The following PCDH15 variants were observed in gnomAD, a reference collection of about 807,000 sequenced individuals.
The protein encoded by PCDH15 is protocadherin related 15, also known as protocadherin-15.
A neutral mutation model predicts 178.5 loss-of-function variants in PCDH15; 129 were observed. The observed-to-expected ratio is 0.72, with a 90% CI of 0.63 to 0.84. The LOEUF is 0.84. Among genes scored for constraint, PCDH15 ranks in the 40% least tolerant of loss-of-function variants. The pLI is 0.00. For missense variants in PCDH15, 2,230 were observed against 2,099.9 expected (o/e 1.06, Z -1.21); for synonymous variants, 800 against 732.0 (o/e 1.09, Z -1.50).
intron 3 of PCDH15, among the ~76,000 whole-genome samples, chr10:54,863,352 C>T (rs1239719060): frequency 6.6e-6 from 1 of 152,094 alleles, no homozygotes; most frequent in Non-Finnish European, 1.5e-5. Context: ...ACCATCCTGG[C>T]TAACAAGGTG....
chr10:54,249,030 G>T (rs2056245441), intron 8 of PCDH15, among the ~76,000 whole-genome samples: 1 of 151,954 alleles, frequency 6.6e-6, no homozygotes, highest in African/African-American at 2.4e-5. Context: ...AATGATCCTA[G>T]AGTATCTTTA....
intron 3 of PCDH15, among the ~76,000 whole-genome samples, chr10:54,394,753 G>T (rs894725563): frequency 1.1e-4 from 17 of 152,116 alleles, no homozygotes; most frequent in African/African-American, 4.1e-4. Flanking sequence ...GAAGACTGGG[G>T]TCTATTTCAT....
intron 1 of PCDH15, among the ~76,000 whole-genome samples, chr10:55,222,483 G>A (rs1397350461): frequency 4.0e-5 from 6 of 151,782 alleles, no homozygotes; most frequent in African/African-American, 9.7e-5. Flanking sequence ...CCAGGATTAT[G>A]ATATGTCTGT....
intron 1 of PCDH15, among the ~76,000 whole-genome samples, chr10:55,228,965 A>G (rs536746889): frequency 2.0e-4 from 30 of 152,064 alleles, no homozygotes; most frequent in Middle Eastern, 3.4e-3. Context: ...AAGGTTCCAA[A>G]AGCAGGTAAA....
intron 25 of PCDH15, among the ~76,000 whole-genome samples, chr10:53,929,837 G>T (rs927304814): frequency 1.3e-5 from 2 of 152,104 alleles, no homozygotes; most frequent in African/African-American, 2.4e-5. Flanking sequence ...AGAAAGCTAT[G>T]GCTTTCTTTT....
chr10:54,736,957 G>T lies in PCDH15; in HGVS notation c.-29+63968C>A, dbSNP rs537672883. Among the ~76,000 whole-genome samples, 61 of 152,074 alleles carry T rather than the reference G, an allele frequency of 4.0e-4. No homozygotes were observed. In the South Asian group the frequency reaches 0.01, roughly 26 times the overall value. ...GGTCAAATAATCTCTTTCCAGGGGGGACAAAATCATAGGCCAGCTTCTGTT... is the reference window on the plus strand; with the variant it reads ...GGTCAAATAATCTCTTTCCAGGGGGTACAAAATCATAGGCCAGCTTCTGTT... On this transcript the variant is annotated intron_variant, in intron 1 of 37. Transcript: ENST00000644397.
intron 3 of PCDH15, among the ~76,000 whole-genome samples, chr10:54,882,838 G>A (rs117984147): frequency 1.9e-3 from 286 of 152,134 alleles, no homozygotes; most frequent in Non-Finnish European, 2.8e-3. Flanking sequence ...ATAAGAAGAC[G>A]AAGACATTGC....
intron 1 of PCDH15, among the ~76,000 whole-genome samples, chr10:54,716,741 C>G (rs1243979390): frequency 1.3e-5 from 2 of 151,880 alleles, no homozygotes; most frequent in Non-Finnish European, 2.9e-5. Flanking sequence ...ACTTTCTTCA[C>G]AGAACTGGAA....
chr10:55,208,455 C>T (rs1840466407), intron 1 of PCDH15, among the ~76,000 whole-genome samples: 1 of 152,046 alleles, frequency 6.6e-6, no homozygotes, highest in Non-Finnish European at 1.5e-5. Flanking sequence ...CCCCCACATA[C>T]TCTAAACTTA....
At chr10:55,601,256 T>A (rs1011548122) in intron 2 of PCDH15, among the ~76,000 whole-genome samples, 2 of 152,222 alleles carry the variant, frequency 1.3e-5, no homozygotes, top group Non-Finnish European at 2.9e-5. Context: ...ACTTATATAT[T>A]GAATTCTATC....
chr10:53,850,806 C>A (rs1390581830), intron 28 of PCDH15, among the ~76,000 whole-genome samples: 3 of 152,088 alleles, frequency 2.0e-5, no homozygotes, highest in African/African-American at 7.2e-5. Context: ...CCAACTATAT[C>A]TTTATGCTAA....
chr10:54,053,760 A>G (rs2093826765), intron 18 of PCDH15, among the ~76,000 whole-genome samples: 1 of 152,194 alleles, frequency 6.6e-6, no homozygotes, highest in African/African-American at 2.4e-5. Context: ...GTGGGTAATA[A>G]TAACCATATT....
At chr10:55,273,167 T>G (rs967068865) in intron 1 of PCDH15, among the ~76,000 whole-genome samples, 9 of 152,150 alleles carry the variant, frequency 5.9e-5, no homozygotes, top group African/African-American at 2.2e-4. Flanking sequence ...TAGAGTGAGA[T>G]AGTTTTTATT....
intron 15 of PCDH15, among the ~76,000 whole-genome samples, chr10:54,090,788 A>T (rs764548565): frequency 2.0e-5 from 3 of 152,198 alleles, no homozygotes; most frequent in Non-Finnish European, 4.4e-5. Flanking sequence ...CTGAATTTAT[A>T]GCCACAAAGC....
chr10:55,070,839 T>A (rs1841720674), intron 2 of PCDH15, among the ~76,000 whole-genome samples: 1 of 152,134 alleles, frequency 6.6e-6, no homozygotes, highest in Non-Finnish European at 1.5e-5. Context: ...TTGATGGGGA[T>A]GGCATTGAAT....
chr10:54,475,230 T>C (rs750446417), intron 3 of PCDH15, among the ~76,000 whole-genome samples: 2 of 152,028 alleles, frequency 1.3e-5, no homozygotes, highest in Non-Finnish European at 2.9e-5. Context: ...TAACGACTAA[T>C]GCCAGTGATT....
chr10:54,158,799 T>C (rs1315900563), intron 13 of PCDH15, among the ~76,000 whole-genome samples: 2 of 152,250 alleles, frequency 1.3e-5, no homozygotes, highest in East Asian at 3.9e-4. Context: ...TATGAATAAA[T>C]ATATTTTTTA....
At chr10:54,521,437 A>G (rs370976293) in intron 3 of PCDH15, among the ~76,000 whole-genome samples, 40 of 152,288 alleles carry the variant, frequency 2.6e-4, no homozygotes, top group African/African-American at 9.1e-4. Context: ...CAAGCACATT[A>G]ATCAATTTTC....
chr10:54,879,461 A>T (rs1198820121), intron 3 of PCDH15, among the ~76,000 whole-genome samples: 3 of 152,114 alleles, frequency 2.0e-5, no homozygotes, highest in Non-Finnish European at 4.4e-5. Context: ...CTTAGAAATT[A>T]GAAAGATTTT....
Sources: gnomAD v4.1 joint callset for allele counts (sites outside exome capture counted in the v4.1 genomes callset) on GRCh38, gnomAD v4.1.1 for gene constraint, MANE v1.5 for transcripts, NCBI Gene and HGNC (gene_info 2026-07-23, HGNC 2026-07-21) for gene names.